The following FRMPD4 variants were observed in gnomAD, a reference collection of about 807,000 sequenced individuals.
The protein encoded by FRMPD4 is FERM and PDZ domain containing 4, also known as FERM and PDZ domain-containing protein 4.
FRMPD4 carries 22 observed loss-of-function variants against 94.1 expected under a neutral mutation model. That is an observed-to-expected ratio of 0.23 (90% confidence interval 0.17 to 0.33). The LOEUF (loss-of-function observed/expected upper bound fraction) is 0.33, where lower values mean the gene tolerates loss of function less well. Ranked by LOEUF, FRMPD4 falls within the 10% of genes least tolerant of loss-of-function variation. The probability of loss-of-function intolerance (pLI) is 1.00; values close to 1 mark genes in which losing one functional copy is unlikely to be tolerated. For synonymous variants in FRMPD4, 631 were observed against 548.6 expected (o/e 1.15, Z -2.10); for missense variants, 1,111 against 1,339.9 (o/e 0.83, Z 2.67).
intron 4 of FRMPD4, among the ~76,000 whole-genome samples, chrX:12,667,297 A>T (rs112490867): frequency 0.02 from 2,215 of 112,025 alleles, 54 homozygotes; most frequent in African/African-American, 0.068. Flanking sequence ...AGATTCTCGA[A>T]TTCTGACATG....
At chrX:12,387,230 A>G (rs1334705349) in intron 1 of FRMPD4, among the ~76,000 whole-genome samples, 1 of 112,302 alleles carries the variant, frequency 8.9e-6, no homozygotes, top group Non-Finnish European at 1.9e-5. Context: ...TGAAACCTTC[A>G]TAAATATTTT....
At chrX:11,824,724 G>T (rs1452294777) in intron 1 of FRMPD4, among the ~76,000 whole-genome samples, 1 of 111,403 alleles carries the variant, frequency 9.0e-6, no homozygotes, top group Non-Finnish European at 1.9e-5. Context: ...TCATATGCTG[G>T]GTCCCAAATG....
chrX:12,340,679 T>G (rs1601836851), intron 1 of FRMPD4, among the ~76,000 whole-genome samples: 1 of 112,230 alleles, frequency 8.9e-6, no homozygotes, highest in Non-Finnish European at 1.9e-5. Context: ...AAATTTATTT[T>G]TATGTAGTCT....
intron 1 of FRMPD4, among the ~76,000 whole-genome samples, chrX:12,401,273 TTCC>T (rs887044241): frequency 9.1e-6 from 1 of 110,383 alleles, no homozygotes; most frequent in African/African-American, 3.3e-5. Flanking sequence ...CCTCTCTCTC[TTCC>T]TTTCTCTCCC....
chrX:11,968,275 C>A (rs2054322149), intron 3 of FRMPD4, among the ~76,000 whole-genome samples: 1 of 111,462 alleles, frequency 9.0e-6, no homozygotes, highest in Non-Finnish European at 1.9e-5. Context: ...TTGGCAACAG[C>A]CCAGTTGAAA....
intron 3 of FRMPD4, among the ~76,000 whole-genome samples, chrX:12,091,158 T>C (rs1243714888): frequency 8.9e-6 from 1 of 112,176 alleles, no homozygotes; most frequent in African/African-American, 3.2e-5. Context: ...ATTGGCACTA[T>C]TATTATCAGC....
intron 1 of FRMPD4, among the ~76,000 whole-genome samples, chrX:12,214,299 T>C (rs2056782870): frequency 8.9e-6 from 1 of 111,739 alleles, no homozygotes; most frequent in Non-Finnish European, 1.9e-5. Flanking sequence ...TCTCTTGCCG[T>C]TGAATAAGCA....
chrX:12,247,395 C>T, intron 1 of FRMPD4, among the ~76,000 whole-genome samples: 1 of 111,482 alleles, frequency 9.0e-6, no homozygotes, highest in Non-Finnish European at 1.9e-5. Context: ...CCCCAAGTTC[C>T]ATCCTCGGGA....
At chrX:11,973,782 C>T (rs1004687303) in intron 3 of FRMPD4, among the ~76,000 whole-genome samples, 2 of 111,750 alleles carry the variant, frequency 1.8e-5, no homozygotes, top group Non-Finnish European at 1.9e-5. Flanking sequence ...TGCTATATAA[C>T]GCTAAGGAAT....
At chrX:12,165,147 T>C (rs1480165790) in intron 1 of FRMPD4, among the ~76,000 whole-genome samples, 2 of 111,845 alleles carry the variant, frequency 1.8e-5, no homozygotes, top group East Asian at 5.6e-4. Flanking sequence ...TGAATGGTAT[T>C]GCCTAGGTTT....
intron 1 of FRMPD4, among the ~76,000 whole-genome samples, chrX:12,239,946 CA>C (rs776269703): frequency 8.9e-6 from 1 of 112,377 alleles, no homozygotes; most frequent in East Asian, 2.8e-4. Flanking sequence ...AACACCATCA[CA>C]TTTGGGATTA....
intron 1 of FRMPD4, among the ~76,000 whole-genome samples, chrX:12,481,949 A>AAAAAAAAAAAAAAAAT (rs1569294805): frequency 1.2e-4 from 11 of 89,842 alleles, no homozygotes; most frequent in Non-Finnish European, 2.4e-4. Flanking sequence ...TCTCAAAAAA[A>AAAAAAAAAAAAAAAAT]AAAAAAAAAA....
At chrX:12,471,810 T>A (rs1337587178) in intron 1 of FRMPD4, among the ~76,000 whole-genome samples, 1 of 112,219 alleles carries the variant, frequency 8.9e-6, no homozygotes, top group Non-Finnish European at 1.9e-5. Flanking sequence ...TTGACAAGTG[T>A]CTCACATCAT....
chrX:12,067,669 G>T (rs1424838910), intron 3 of FRMPD4, among the ~76,000 whole-genome samples: 2 of 111,198 alleles, frequency 1.8e-5, no homozygotes, highest in Middle Eastern at 9.3e-3. Context: ...GCCTGCCTCA[G>T]CCTCCCAAAG....
intron 3 of FRMPD4, among the ~76,000 whole-genome samples, chrX:12,076,992 G>A (rs950475947): frequency 2.7e-5 from 3 of 111,584 alleles, no homozygotes; most frequent in Admixed American, 1.9e-4. Flanking sequence ...GTGGCACAGC[G>A]TTGCATTTTT....
Position 12,686,163 on chromosome X carries a change from C to A in FRMPD4, c.640C>A (p.Gln214Lys). 8.5e-7 allele frequency: 1 copy of A among 1,180,807 alleles called. No homozygotes were observed. Among genetic ancestry groups the A allele is most frequent in the Non-Finnish European group, 1.2e-6 (1 of 868,375 alleles). ...NVLKVYLENG[Q>K]TKSFRFDCST... is the part of the protein sequence containing the mutation. The stretch of plus-strand genomic sequence containing the variant: ...TTTGAAAGTCTATCTGGAAAATGGG[C>A]AGACCAAATCATTTCGTTTTGACTG... The change falls in exon 7 of 17, where the codon CAG (glutamine) becomes AAG (lysine). Residue 214 changes from glutamine to lysine, a missense_variant. By Grantham distance (53) the Gln-to-Lys change is moderately conservative (BLOSUM62 1). This residue lies in a region of FRMPD4 where 37 missense variants were observed against 101.0 expected (regional missense o/e 0.37). Transcript: ENST00000675598.
chrX:11,985,133 C>T (rs756560020), intron 3 of FRMPD4, among the ~76,000 whole-genome samples: 50 of 111,465 alleles, frequency 4.5e-4, no homozygotes, highest in African/African-American at 1.2e-3. Context: ...AAAAAAGCAC[C>T]GTCATTAGAA....
At chrX:12,482,062 C>A (rs762132673) in intron 1 of FRMPD4, among the ~76,000 whole-genome samples, 9 of 105,608 alleles carry the variant, frequency 8.5e-5, no homozygotes, top group African/African-American at 3.1e-4. Flanking sequence ...TCATCCTTAT[C>A]GTCTTCACGT....
intron 3 of FRMPD4, among the ~76,000 whole-genome samples, chrX:11,890,158 A>G (rs1310723376): frequency 8.9e-6 from 1 of 112,606 alleles, no homozygotes; most frequent in African/African-American, 3.2e-5. Context: ...GAAATTATCT[A>G]GGTAAACTTT....
Sources: allele counts gnomAD v4.1 joint callset (sites outside exome capture counted in the v4.1 genomes callset), GRCh38; gene constraint gnomAD v4.1.1; regional missense constraint gnomAD v4.1.1; transcripts MANE v1.5; gene names NCBI Gene and HGNC (gene_info 2026-07-23, HGNC 2026-07-21).